NXPH1: variants seen among roughly 807,000 people sequenced by gnomAD.
NXPH1 encodes the protein neurexophilin 1.
A neutral mutation model predicts 23.7 loss-of-function variants in NXPH1; 5 were observed. That is an observed-to-expected ratio of 0.21 (90% CI 0.11 to 0.44). NXPH1 has a LOEUF of 0.44. Ranked by LOEUF, NXPH1 falls within the 20% of genes least tolerant of loss-of-function variation. The pLI is 0.99. For synonymous variants in NXPH1, 144 were observed against 122.2 expected, an observed-to-expected ratio of 1.18 and a Z score of -1.18; for missense variants, 324 against 321.6, an observed-to-expected ratio of 1.01 and a Z score of -0.06.
At position 8,656,851 on chromosome 7, in the gene NXPH1, T is replaced by C. The variant is rs576119752; in HGVS notation, c.55-94157T>C. On this transcript the variant is annotated intron_variant, in intron 2 of 2. Coordinates refer to ENST00000405863, the MANE Select transcript of NXPH1 (RefSeq NM_152745.3). ...CAATGATGATTTCCAATTTCATCCA[T>C]GTCCCTAGAGTTAATGTTTAAACTG... Among the ~76,000 whole-genome samples the C allele has an allele frequency of 3.3e-5, 5 of 152,344 alleles. No individual in the cohort carries two copies. In the South Asian group the frequency reaches 6.2e-4, roughly 19 times the overall value.
intron 2 of NXPH1, among the ~76,000 whole-genome samples, chr7:8,500,393 T>C (rs1817412120): frequency 6.6e-6 from 1 of 152,076 alleles, no homozygotes; most frequent in Non-Finnish European, 1.5e-5. Flanking sequence ...GCACAGACTT[T>C]AGGGTCAGGC....
At chr7:8,744,933 T>C (rs1373515361) in intron 2 of NXPH1, among the ~76,000 whole-genome samples, 1 of 152,208 alleles carries the variant, frequency 6.6e-6, no homozygotes, top group Non-Finnish European at 1.5e-5. Flanking sequence ...ATTTAATTAG[T>C]CTCCCTTCCT....
At chr7:8,662,609 GTGAGTAGTAGT>G (rs1583219637) in intron 2 of NXPH1, among the ~76,000 whole-genome samples, 1 of 152,044 alleles carries the variant, frequency 6.6e-6, no homozygotes, top group East Asian at 1.9e-4. Context: ...TCAAGTCTGG[GTGAGTAGTAGT>G]TGTTATTGCA....
intron 2 of NXPH1, among the ~76,000 whole-genome samples, chr7:8,502,811 T>G (rs1343151267): frequency 1.3e-5 from 2 of 151,534 alleles, no homozygotes; most frequent in African/African-American, 4.8e-5. Flanking sequence ...AAGCCCATCT[T>G]CTGGAGTGCT....
intron 2 of NXPH1, among the ~76,000 whole-genome samples, chr7:8,486,201 A>G (rs142877485): frequency 2.9e-4 from 44 of 152,312 alleles, no homozygotes; most frequent in Non-Finnish European, 5.4e-4. Context: ...GAAGAACTAG[A>G]CAGAATTCCC....
At chr7:8,556,122 C>G (rs1269711533) in intron 2 of NXPH1, among the ~76,000 whole-genome samples, 2 of 151,730 alleles carry the variant, frequency 1.3e-5, no homozygotes, top group Admixed American at 6.6e-5. Context: ...GGCACTTAGC[C>G]CATGTTATGG....
intron 2 of NXPH1, among the ~76,000 whole-genome samples, chr7:8,582,249 C>T (rs149691973): frequency 1.5e-3 from 225 of 152,324 alleles, no homozygotes; most frequent in Non-Finnish European, 2.7e-3. Flanking sequence ...GCTCTGAGAG[C>T]CTCCAGGTCT....
intron 2 of NXPH1, among the ~76,000 whole-genome samples, chr7:8,530,266 C>T (rs899179840): frequency 6.6e-6 from 1 of 152,114 alleles, no homozygotes; most frequent in African/African-American, 2.4e-5. Flanking sequence ...TAACCTGTAG[C>T]AAATGCCTCA....
chr7:8,473,152 T>G (rs1449330391), intron 2 of NXPH1, among the ~76,000 whole-genome samples: 1 of 152,124 alleles, frequency 6.6e-6, no homozygotes, highest in East Asian at 1.9e-4. Flanking sequence ...GTATCTGAAG[T>G]TTTCAGGGAA....
chr7:8,435,495 CT>C lies in NXPH1; in HGVS notation c.-110-99del, dbSNP rs143262821. The C allele has an allele frequency of 0.034, 15,890 of 462,420 alleles. 17 individuals carry two copies. The highest frequency in any genetic ancestry group is 0.042 in the Middle Eastern group (69 of 1,632). The allele number at this position is 462,420 out of a possible 1,614,324, so 28.6% of individuals were successfully genotyped here. On this transcript the variant is annotated intron_variant, in intron 1 of 2. Coordinates refer to ENST00000405863, the MANE Select transcript of NXPH1 (RefSeq NM_152745.3). This position sits in a 1 kb window ranked among gnomAD's most constrained non-coding sequence, Gnocchi z 5.9. ...TTTCAATTTTTCGTACCCTCCCTCC[CT>C]TTTTTTTTTGGTCCCCCACTCCCCG...
chr7:8,555,058 G>A lies in NXPH1; in HGVS notation c.54+119291G>A, dbSNP rs138494994. Among the ~76,000 whole-genome samples the A allele has an allele frequency of 6.6e-5, 10 of 151,696 alleles. No homozygotes were observed. The East Asian group carries it at 9.8e-4, about 15-fold the overall frequency. On this transcript the variant is annotated intron_variant, in intron 2 of 2. Coordinates refer to ENST00000405863, the MANE Select transcript of NXPH1 (RefSeq NM_152745.3). ...TTGGAAGGCAGTGTGGTTTGGCTTC[G>A]TTTCTGAAAAAGTGTAGGTCCTCAA... is the stretch of plus-strand genomic sequence containing the variant.
intron 2 of NXPH1, chr7:8,690,152 A>G (rs1821202804): frequency 6.6e-6 from 1 of 152,214 alleles, no homozygotes; most frequent in South Asian, 2.1e-4. Context: ...CAAAGTCGTA[A>G]TTATTACTGA....
intron 2 of NXPH1, among the ~76,000 whole-genome samples, chr7:8,632,557 T>C (rs1295942363): frequency 6.6e-6 from 1 of 152,186 alleles, no homozygotes; most frequent in East Asian, 1.9e-4. Context: ...TCTTGTCTAT[T>C]TCCCAAATGC....
At chr7:8,701,477 T>A (rs1403831383) in intron 2 of NXPH1, among the ~76,000 whole-genome samples, 1 of 152,096 alleles carries the variant, frequency 6.6e-6, no homozygotes, top group Non-Finnish European at 1.5e-5. Context: ...TCTCCCCCAA[T>A]ATGTTGATTT....
chr7:8,512,832 A>G (rs904474692), intron 2 of NXPH1, among the ~76,000 whole-genome samples: 2 of 152,132 alleles, frequency 1.3e-5, no homozygotes, highest in African/African-American at 4.8e-5. Context: ...ACAGAATTGC[A>G]TGGCAGCCAG....
chr7:8,560,337 G>A (rs1223646644), intron 2 of NXPH1, among the ~76,000 whole-genome samples: 1 of 151,698 alleles, frequency 6.6e-6, no homozygotes, highest in Non-Finnish European at 1.5e-5. Context: ...GAAAACCAGA[G>A]TAGCTGAACA....
At chr7:8,671,211 A>T (rs894617495) in intron 2 of NXPH1, among the ~76,000 whole-genome samples, 5 of 152,200 alleles carry the variant, frequency 3.3e-5, no homozygotes, top group Non-Finnish European at 1.5e-5. Flanking sequence ...TTTCTATGTG[A>T]AAGAGAAAAA....
At chr7:8,565,448 A>G (rs1254287490) in intron 2 of NXPH1, among the ~76,000 whole-genome samples, 1 of 151,728 alleles carries the variant, frequency 6.6e-6, no homozygotes, top group Non-Finnish European at 1.5e-5. Context: ...CTGATTCAAG[A>G]GCTTATGCAA....
Position 8,586,666 on chromosome 7 carries a change from G to A in NXPH1, c.54+150899G>A, listed in dbSNP as rs185977040. On this transcript the variant is annotated intron_variant, in intron 2 of 2. Coordinates refer to ENST00000405863, the MANE Select transcript of NXPH1 (RefSeq NM_152745.3). ...ATATATACACACACACACACATCGA[G>A]TAGAAACTTCACATACTGTAAGTTG... is the stretch of plus-strand genomic sequence containing the variant. Among the ~76,000 whole-genome samples the A allele has an allele frequency of 9.4e-3, 1,429 of 151,556 alleles. 10 individuals carry two copies. The highest frequency in any genetic ancestry group is 0.014 in the Non-Finnish European group (964 of 67,918).
Sources: gnomAD v4.1 joint callset for allele counts (sites outside exome capture counted in the v4.1 genomes callset) on GRCh38, gnomAD v4.1.1 for gene constraint, Gnocchi (gnomAD v3.1) non-coding constraint, MANE v1.5 for transcripts, NCBI Gene and HGNC (gene_info 2026-07-23, HGNC 2026-07-21) for gene names.